Variants in LEPR observed in about 807,000 individuals in gnomAD.
The protein encoded by LEPR is OB receptor.
A neutral mutation model predicts 114.7 loss-of-function variants in LEPR; 56 were observed. The observed-to-expected ratio is 0.49, with a 90% CI of 0.39 to 0.61. The LOEUF is 0.61. Among genes scored for constraint, LEPR ranks in the 20% least tolerant of loss-of-function variants. The pLI is 0.00. For synonymous variants in LEPR, 443 were observed against 461.4 expected, an observed-to-expected ratio of 0.96 and a Z score of 0.51; for missense variants, 1,202 against 1,352.9, an observed-to-expected ratio of 0.89 and a Z score of 1.75.
rs761444441 is a variant in LEPR, at chr1:65,640,177, GA to G, written c.*3165del. The G allele has an allele frequency of 2.2e-4, 33 of 151,988 alleles. 1 individual carries two copies. Among genetic ancestry groups the G allele is most frequent in the Non-Finnish European group, 4.0e-4 (27 of 68,008 alleles). The allele number at this position is 151,988 out of a possible 1,614,324, so 9.4% of individuals were successfully genotyped here. ...TATTTATATTACCTCCTCCAAAACT[GA>G]AAGAAAATAAACTTTAGGCTGTAAG... On this transcript the variant is annotated 3_prime_UTR_variant, in exon 20 of 20. Transcript: ENST00000349533.
At chr1:65,522,990 C>G (rs1347000750) in intron 2 of LEPR, among the ~76,000 whole-genome samples, 3 of 152,144 alleles carry the variant, frequency 2.0e-5, no homozygotes, top group African/African-American at 4.8e-5. Context: ...TGTATTCATT[C>G]ACAGTTCTTT....
intron 2 of LEPR, among the ~76,000 whole-genome samples, chr1:65,516,540 T>A (rs1462070460): frequency 6.6e-6 from 1 of 152,230 alleles, no homozygotes; most frequent in Non-Finnish European, 1.5e-5. Flanking sequence ...TGCCATTTAC[T>A]CAAATAAGCA....
At chr1:65,571,310 C>T (rs1344046577) in intron 4 of LEPR, among the ~76,000 whole-genome samples, 1 of 151,920 alleles carries the variant, frequency 6.6e-6, no homozygotes, top group East Asian at 1.9e-4. Context: ...CTAACCTGCA[C>T]ATCCTGCACA....
intron 3 of LEPR, among the ~76,000 whole-genome samples, chr1:65,567,794 G>C (rs1653877227): frequency 1.3e-5 from 2 of 151,954 alleles, no homozygotes; most frequent in African/African-American, 4.8e-5. Context: ...AAATTGAGAG[G>C]AAGGTACAGA....
At chr1:65,565,002 T>G (rs1653627510) in intron 2 of LEPR, among the ~76,000 whole-genome samples, 1 of 152,168 alleles carries the variant, frequency 6.6e-6, no homozygotes, top group African/African-American at 2.4e-5. Flanking sequence ...CTCTCCAATA[T>G]TACCTCATCT....
intron 14 of LEPR, among the ~76,000 whole-genome samples, chr1:65,611,481 T>C (rs1657165910): frequency 1.3e-5 from 2 of 152,192 alleles, no homozygotes; most frequent in Non-Finnish European, 2.9e-5. Flanking sequence ...TGCAAACTTC[T>C]ACAGTGAAGG....
chr1:65,518,003 T>C (rs1369672823), intron 2 of LEPR, among the ~76,000 whole-genome samples: 1 of 152,244 alleles, frequency 6.6e-6, no homozygotes, highest in Non-Finnish European at 1.5e-5. Flanking sequence ...CTCCTAAATG[T>C]AGTTTTCTCC....
At chr1:65,551,268 T>C (rs1234352047) in intron 2 of LEPR, among the ~76,000 whole-genome samples, 1 of 152,132 alleles carries the variant, frequency 6.6e-6, no homozygotes, top group African/African-American at 2.4e-5. Context: ...TCCTGTTGTT[T>C]AGAATAATTT....
At chr1:65,582,925 T>C (rs1655087553) in intron 5 of LEPR, among the ~76,000 whole-genome samples, 1 of 152,192 alleles carries the variant, frequency 6.6e-6, no homozygotes. Context: ...TTTTGAATTG[T>C]ATGAATACAT....
chr1:65,450,640 T>TG (rs1407425889), intron 2 of LEPR, among the ~76,000 whole-genome samples: 1 of 122,744 alleles, frequency 8.1e-6, no homozygotes, highest in Non-Finnish European at 1.7e-5. Flanking sequence ...TATTCCATGG[T>TG]GTATATGTGC....
intron 2 of LEPR, among the ~76,000 whole-genome samples, chr1:65,547,697 T>G (rs1324313400): frequency 2.0e-5 from 3 of 150,162 alleles, no homozygotes; most frequent in South Asian, 2.1e-4. Context: ...TTCTTCTCTC[T>G]TTTTTTCTTT....
chr1:65,440,757 C>T (rs902011452), intron 2 of LEPR, among the ~76,000 whole-genome samples: 1 of 152,050 alleles, frequency 6.6e-6, no homozygotes, highest in East Asian at 1.9e-4. Context: ...TGTAAGGCGT[C>T]GGCATTCATT....
chr1:65,464,540 A>C (rs189855402), intron 2 of LEPR, among the ~76,000 whole-genome samples: 50 of 152,326 alleles, frequency 3.3e-4, no homozygotes, highest in African/African-American at 1.2e-3. Context: ...CTAGCCTCAT[A>C]AAATGAGTTA....
intron 2 of LEPR, among the ~76,000 whole-genome samples, chr1:65,471,865 A>G (rs1389919532): frequency 2.0e-5 from 3 of 152,236 alleles, no homozygotes; most frequent in Non-Finnish European, 4.4e-5. Flanking sequence ...AGTTCAAAAT[A>G]GAAACATAAC....
chr1:65,574,571 G>A (rs1654446680), intron 5 of LEPR, among the ~76,000 whole-genome samples: 1 of 152,110 alleles, frequency 6.6e-6, no homozygotes, highest in South Asian at 2.1e-4. Flanking sequence ...AGACTACCTG[G>A]CTGTACCACT....
At chr1:65,590,396 T>A (rs1367856216) in intron 5 of LEPR, among the ~76,000 whole-genome samples, 1 of 151,212 alleles carries the variant, frequency 6.6e-6, no homozygotes, top group Non-Finnish European at 1.5e-5. Context: ...CTAAATCTCA[T>A]CTTGTAGTTC....
intron 18 of LEPR, 89 bp from the exon 19 acceptor site, chr1:65,622,817 C>T (rs1437896849): frequency 1.4e-6 from 2 of 1,384,930 alleles, no homozygotes; most frequent in Non-Finnish European, 2.0e-6. Context: ...ATCTGGTGGA[C>T]TAATTTCTAG....
At chr1:65,594,881 T>A (rs1438263351) in intron 6 of LEPR, among the ~76,000 whole-genome samples, 1 of 152,094 alleles carries the variant, frequency 6.6e-6, no homozygotes, top group African/African-American at 2.4e-5. Context: ...TATGGAGTGC[T>A]GCTGAAAGGC....
Position 65,532,726 on chromosome 1 carries a change from A to G in LEPR, c.-20-32820A>G, listed in dbSNP as rs34070898. ...AACATGATGCTAACAGAAGGAAGCC[A>G]GTTACTAAAGACCCCAGGATTTTAT... On this transcript the variant is annotated intron_variant, in intron 2 of 19. Transcript: ENST00000349533. Among the ~76,000 whole-genome samples the G allele has an allele frequency of 6.6e-3, 1,011 of 152,356 alleles. 3 individuals are homozygous for G. The highest frequency in any genetic ancestry group is 0.01 in the Non-Finnish European group (697 of 68,036).
Sources: gnomAD v4.1 joint callset for allele counts (sites outside exome capture counted in the v4.1 genomes callset) on GRCh38, gnomAD v4.1.1 for gene constraint, MANE v1.5 for transcripts, NCBI Gene and HGNC (gene_info 2026-07-23, HGNC 2026-07-21) for gene names.